Variants in PM20D2 observed in about 807,000 individuals in gnomAD.
The protein encoded by PM20D2 is peptidase M20 domain containing 2.
A neutral mutation model predicts 42.9 loss-of-function variants in PM20D2; 33 were observed. That is an observed-to-expected ratio of 0.77 (90% CI 0.58 to 1.03). The LOEUF (loss-of-function observed/expected upper bound fraction) is 1.03. Ranked by LOEUF, PM20D2 falls within the 50% of genes least tolerant of loss-of-function variation. PM20D2 has a pLI of 0.00. For synonymous variants in PM20D2, 250 were observed against 228.2 expected (o/e 1.10, Z -0.86); for missense variants, 548 against 557.0 (o/e 0.98, Z 0.16).
the PM20D2 span, among the ~76,000 whole-genome samples, chr6:89,110,883 A>T: frequency 6.6e-6 from 1 of 152,160 alleles, no homozygotes; most frequent in African/African-American, 2.4e-5. Context: ...TGGGAGGCCA[A>T]GGTGGGAGGA....
At chr6:89,139,252 G>A in the PM20D2 span, among the ~76,000 whole-genome samples, 1 of 148,824 alleles carries the variant, frequency 6.7e-6, no homozygotes, top group Non-Finnish European at 1.5e-5. Context: ...AATTTTTTTT[G>A]TGTGAGAAGA....
the PM20D2 span, among the ~76,000 whole-genome samples, chr6:89,112,917 A>T: frequency 6.6e-6 from 1 of 152,110 alleles, no homozygotes; most frequent in Non-Finnish European, 1.5e-5. Flanking sequence ...AGATACATGT[A>T]GGTAAATGTC....
chr6:89,098,801 C>T, the PM20D2 span: 1 of 1,613,890 alleles, frequency 6.2e-7, no homozygotes, highest in Non-Finnish European at 8.5e-7. Context: ...TGACTTGGAC[C>T]TCTTTTGTAA....
chr6:89,110,378 C>T, the PM20D2 span, among the ~76,000 whole-genome samples: 3 of 152,200 alleles, frequency 2.0e-5, no homozygotes, highest in Admixed American at 2.0e-4. Context: ...TAAATACCCT[C>T]TAAGGTTTCC....
At chr6:89,115,631 CTTTTTTT>C in the PM20D2 span, among the ~76,000 whole-genome samples, 5 of 129,006 alleles carry the variant, frequency 3.9e-5, no homozygotes, top group Non-Finnish European at 6.5e-5. Context: ...TTTTTTCTTT[CTTTTTTT>C]TTTTTTTTTT....
At chr6:89,150,466 G>A (rs1386560114) in intron 2 of PM20D2, among the ~76,000 whole-genome samples, 3 of 149,632 alleles carry the variant, frequency 2.0e-5, no homozygotes, top group Non-Finnish European at 4.4e-5. Context: ...TGGTTCTGAA[G>A]TCAGCGCACT....
intron 4 of PM20D2, 139 bp from the exon 5 acceptor site, chr6:89,158,186 G>A (rs1771115554): frequency 2.7e-6 from 2 of 728,836 alleles, no homozygotes; most frequent in Middle Eastern, 4.0e-4. Flanking sequence ...TAAGGTAAGA[G>A]ATTTGAGAGT....
At chr6:89,155,807 G>A (rs1203391395) in intron 4 of PM20D2, among the ~76,000 whole-genome samples, 1 of 151,746 alleles carries the variant, frequency 6.6e-6, no homozygotes, top group Non-Finnish European at 1.5e-5. Context: ...TGCCTCCTGG[G>A]TTCAAGCGAT....
rs1260838891 is a variant in PM20D2, at chr6:89,146,193, C to T, written c.49C>T (p.Arg17Cys). Residue 17 changes from arginine (R) to cysteine (C), a missense_variant, in exon 1 of 7, where the codon CGC (arginine) becomes TGC (cysteine). Transcript: ENST00000275072. The stretch of plus-strand genomic sequence containing the variant: ...CGTGGAAGGGGGCGCGTGCAATGGC[C>T]GCTCCGAGCTGGAGCTACTGAAGCT... ...RPVEGGACNG[R>C]SELELLKLRS... The T allele has an allele frequency of 1.9e-6, 3 of 1,546,294 alleles. No homozygotes were observed. The highest frequency in any genetic ancestry group is 1.4e-5 in the African/African-American group (1 of 70,658).
the PM20D2 span, chr6:89,096,511 G>A: frequency 0.26 from 39,491 of 152,062 alleles, 5,483 homozygotes; most frequent in South Asian, 0.32. Context: ...CAAACCAAAT[G>A]GTATCCTCCT....
At chr6:89,136,634 C>T in the PM20D2 span, among the ~76,000 whole-genome samples, 1 of 150,724 alleles carries the variant, frequency 6.6e-6, no homozygotes, top group Non-Finnish European at 1.5e-5. Flanking sequence ...GCTAAGATCG[C>T]GCCACTGCAC....
chr6:89,104,602 AAGTT>A, the PM20D2 span, among the ~76,000 whole-genome samples: 9,524 of 152,032 alleles, frequency 0.063, 861 homozygotes, highest in African/African-American at 0.2. Context: ...TAAAAAGATA[AAGTT>A]AAGTCTGTAA....
the PM20D2 span, among the ~76,000 whole-genome samples, chr6:89,100,063 C>A: frequency 6.6e-6 from 1 of 152,172 alleles, no homozygotes; most frequent in South Asian, 2.1e-4. Flanking sequence ...ATGGGTGGGA[C>A]ACGAGAGGCA....
chr6:89,103,957 T>C, the PM20D2 span, among the ~76,000 whole-genome samples: 1 of 151,636 alleles, frequency 6.6e-6, no homozygotes, highest in South Asian at 2.1e-4. Flanking sequence ...TTAACTTTAG[T>C]CAACCACCTT....
chr6:89,098,946 A>T, the PM20D2 span: 1 of 1,610,438 alleles, frequency 6.2e-7, no homozygotes, highest in East Asian at 2.2e-5. Flanking sequence ...CTGTGTCGAG[A>T]CCTGCAAACA....
chr6:89,139,982 C>T, the PM20D2 span, among the ~76,000 whole-genome samples: 6 of 152,118 alleles, frequency 3.9e-5, no homozygotes, highest in Admixed American at 3.9e-4. Flanking sequence ...ATGGAGCAAA[C>T]GGAGAAGCTG....
At chr6:89,131,423 C>G in the PM20D2 span, among the ~76,000 whole-genome samples, 1 of 144,970 alleles carries the variant, frequency 6.9e-6, no homozygotes, top group Non-Finnish European at 1.5e-5. Flanking sequence ...TACGGTGGCT[C>G]ACACCTGTAA....
chr6:89,104,530 G>A, the PM20D2 span, among the ~76,000 whole-genome samples: 6 of 151,900 alleles, frequency 3.9e-5, no homozygotes, highest in African/African-American at 1.2e-4. Context: ...GCCACTGCAC[G>A]CGGCTGAGTA....
the PM20D2 span, among the ~76,000 whole-genome samples, chr6:89,124,736 G>GTTGTTT: frequency 9.2e-6 from 1 of 108,436 alleles, no homozygotes; most frequent in African/African-American, 3.5e-5. Context: ...TGCTGTTGTT[G>GTTGTTT]TTTTTTTTTT....
Sources: gnomAD v4.1 joint callset for allele counts (sites outside exome capture counted in the v4.1 genomes callset) on GRCh38, gnomAD v4.1.1 for gene constraint, MANE v1.5 for transcripts, NCBI Gene and HGNC (gene_info 2026-07-23, HGNC 2026-07-21) for gene names.